The following NECTIN3 variants were observed in gnomAD, a reference collection of about 807,000 sequenced individuals.
NECTIN3 encodes nectin cell adhesion molecule 3.
NECTIN3 carries 8 observed loss-of-function variants against 49.4 expected under a neutral mutation model. That is an observed-to-expected ratio of 0.16 (90% CI 0.10 to 0.29). The LOEUF (loss-of-function observed/expected upper bound fraction) is 0.29. NECTIN3 is among the 10% of genes least tolerant of loss of function. The probability of loss-of-function intolerance (pLI) is 1.00; values close to 1 mark genes in which losing one functional copy is unlikely to be tolerated. For missense variants in NECTIN3, 581 were observed against 654.6 expected (o/e 0.89, Z 1.23); for synonymous variants, 277 against 241.1 (o/e 1.15, Z -1.38).
At chr3:111,144,750 TA>T in intron 5 of NECTIN3, 1 of 789,586 alleles carries the variant, frequency 1.3e-6, no homozygotes. Context: ...ATAATGCCAC[TA>T]AACCTAATGA....
At chr3:111,084,269 T>TTAGGA (rs2031799766) in intron 1 of NECTIN3, among the ~76,000 whole-genome samples, 1 of 152,240 alleles carries the variant, frequency 6.6e-6, no homozygotes, top group Non-Finnish European at 1.5e-5. Flanking sequence ...ATGTTGGGAC[T>TTAGGA]TAGGATAGAA....
At chr3:111,127,465 CTTTTTT>C (rs35153084) in intron 5 of NECTIN3, among the ~76,000 whole-genome samples, 5 of 101,158 alleles carry the variant, frequency 4.9e-5, no homozygotes, top group Non-Finnish European at 1.1e-4. Flanking sequence ...TGCAAACTTT[CTTTTTT>C]TTTTTTTTTT....
chr3:111,186,641 A>G (rs2035725107), intron 7 of NECTIN3, among the ~76,000 whole-genome samples: 1 of 152,216 alleles, frequency 6.6e-6, no homozygotes, highest in Non-Finnish European at 1.5e-5. Flanking sequence ...CAATTAACCT[A>G]TGTAACAAAC....
chr3:111,169,867 TAATA>T (rs2035401336), intron 7 of NECTIN3, among the ~76,000 whole-genome samples: 1 of 152,250 alleles, frequency 6.6e-6, no homozygotes, highest in African/African-American at 2.4e-5. Context: ...TGGTTATTGC[TAATA>T]AATTTATACT....
chr3:111,160,444 A>G (rs2035186380), intron 7 of NECTIN3, among the ~76,000 whole-genome samples: 1 of 152,194 alleles, frequency 6.6e-6, no homozygotes, highest in Non-Finnish European at 1.5e-5. Flanking sequence ...AAAAATGGGA[A>G]ACCAAAGTGA....
downstream of NECTIN3, among the ~76,000 whole-genome samples, chr3:111,140,992 G>A (rs928657191): frequency 4.0e-4 from 60 of 151,832 alleles, 2 homozygotes; most frequent in African/African-American, 2.4e-5. Context: ...TACTTTGGGG[G>A]ATTTTGCTAT....
intron 7 of NECTIN3, among the ~76,000 whole-genome samples, chr3:111,157,071 T>TA (rs1445430627): frequency 6.6e-6 from 1 of 152,172 alleles, no homozygotes; most frequent in South Asian, 2.1e-4. Flanking sequence ...GCATGTAAAT[T>TA]AAAATGTTAA....
At chr3:111,138,965 C>A (rs370480160), downstream of NECTIN3, among the ~76,000 whole-genome samples, 2 of 151,330 alleles carry the variant, frequency 1.3e-5, no homozygotes, top group South Asian at 4.1e-4. Context: ...TCTTAAAAAA[C>A]AACAACAACA....
intron 1 of NECTIN3, among the ~76,000 whole-genome samples, chr3:111,078,821 A>T (rs1014300046): frequency 6.6e-6 from 1 of 152,124 alleles, no homozygotes; most frequent in Admixed American, 6.5e-5. Flanking sequence ...TTGACTTTCT[A>T]TGAGAATAGT....
At position 111,072,080 on chromosome 3, in the gene NECTIN3, C is replaced by G; in HGVS notation, c.63C>G (p.Ser21=). Residue 21 remains serine, a synonymous_variant, in exon 1 of 6, where the codon TCC becomes TCG. Transcript: ENST00000485303. ...GAGGCGGCAAAGCACAACTTTCCTCCGCTTCTCTCCTCGGAGCCGGGCTCC... is the reference window on the plus strand; with the variant it reads ...GAGGCGGCAAAGCACAACTTTCCTCGGCTTCTCTCCTCGGAGCCGGGCTCC... ...CPGGGKAQLS[S]ASLLGAGLLL... The G allele has an allele frequency of 1.3e-6, 2 of 1,549,392 alleles. No homozygotes were observed. Among genetic ancestry groups the G allele is most frequent in the Middle Eastern group, 1.7e-4 (1 of 5,970 alleles).
At chr3:111,193,219 G>A in intron 1 of NECTIN3, 2 of 1,534,546 alleles carry the variant, frequency 1.3e-6, no homozygotes, top group African/African-American at 1.4e-5. Flanking sequence ...AATAGCAGGA[G>A]TTTTGACTAT....
rs1414368016 is a variant in NECTIN3, at chr3:111,128,455, C to T, written c.1069+2120C>T. ...TGAGTGCAGTGTTCAGTACTCTTGA[C>T]TTGTGTGTCCAATTGCCTATTAATG... On this transcript the variant is annotated intron_variant, in intron 5 of 5. Transcript: ENST00000485303. Among the ~76,000 whole-genome samples, 4 of 152,164 alleles carry T rather than the reference C, an allele frequency of 2.6e-5. No individual in the cohort carries two copies. In the South Asian group the frequency reaches 6.2e-4, roughly 24 times the overall value.
intron 4 of NECTIN3, among the ~76,000 whole-genome samples, chr3:111,123,938 T>C (rs1175095542): frequency 6.6e-6 from 1 of 152,168 alleles, no homozygotes; most frequent in Non-Finnish European, 1.5e-5. Context: ...ATTTTCTGTC[T>C]TCTAAAAGTG....
chr3:111,084,529 A>G (rs1201753370), intron 1 of NECTIN3, among the ~76,000 whole-genome samples: 1 of 152,164 alleles, frequency 6.6e-6, no homozygotes, highest in East Asian at 1.9e-4. Flanking sequence ...TTATGTATGG[A>G]AAGAAGTAGA....
At chr3:111,185,430 T>C (rs1291385797) in intron 7 of NECTIN3, among the ~76,000 whole-genome samples, 1 of 152,216 alleles carries the variant, frequency 6.6e-6, no homozygotes, top group East Asian at 1.9e-4. Flanking sequence ...TTGTTTTATA[T>C]ATTTTGTCCA....
At chr3:111,095,574 C>T (rs2032537230) in intron 1 of NECTIN3, among the ~76,000 whole-genome samples, 1 of 152,140 alleles carries the variant, frequency 6.6e-6, no homozygotes, top group Non-Finnish European at 1.5e-5. Flanking sequence ...CTTTTTTCAA[C>T]AGCTTTACAT....
chr3:111,075,436 A>G (rs1215279291), intron 1 of NECTIN3, among the ~76,000 whole-genome samples: 2 of 152,074 alleles, frequency 1.3e-5, no homozygotes, highest in Non-Finnish European at 2.9e-5. Flanking sequence ...TTATAAAGAG[A>G]TAACATTACT....
At chr3:111,101,743 T>C (rs1049548924) in intron 1 of NECTIN3, among the ~76,000 whole-genome samples, 1 of 152,160 alleles carries the variant, frequency 6.6e-6, no homozygotes, top group Non-Finnish European at 1.5e-5. Context: ...AATAGCCACA[T>C]GTGGCTAGTG....
At chr3:111,092,963 G>A (rs186272588) in intron 1 of NECTIN3, among the ~76,000 whole-genome samples, 6 of 152,054 alleles carry the variant, frequency 3.9e-5, no homozygotes, top group African/African-American at 7.2e-5. Flanking sequence ...ATTTATTTAG[G>A]CTTTCTTTAA....
Sources: gnomAD v4.1 joint callset for allele counts (sites outside exome capture counted in the v4.1 genomes callset) on GRCh38, gnomAD v4.1.1 for gene constraint, MANE v1.5 for transcripts, NCBI Gene and HGNC (gene_info 2026-07-23, HGNC 2026-07-21) for gene names.